SGPP2: variants seen among roughly 807,000 people sequenced by gnomAD.
The protein encoded by SGPP2 is sphingosine 1-phosphate phosphohydrolase 2.
A neutral mutation model predicts 33.9 loss-of-function variants in SGPP2; 30 were observed. The observed-to-expected ratio is 0.89, with a 90% CI of 0.66 to 1.20. SGPP2 has a LOEUF of 1.20. SGPP2 is among the 50% of genes most tolerant of loss of function. SGPP2 has a pLI of 0.00. For missense variants in SGPP2, 458 were observed against 532.1 expected, an observed-to-expected ratio of 0.86 and a Z score of 1.37; for synonymous variants, 233 against 225.0, an observed-to-expected ratio of 1.04 and a Z score of -0.32.
chr2:222,557,629 A>G (rs950288671), intron 4 of SGPP2, among the ~76,000 whole-genome samples: 6 of 152,212 alleles, frequency 3.9e-5, no homozygotes, highest in Non-Finnish European at 8.8e-5. Context: ...GAAAGAGGGA[A>G]ATGTGGGACA....
chr2:222,424,854 G>T, intron 1 of SGPP2, 33 bp downstream of exon 1: 1 of 1,304,768 alleles, frequency 7.7e-7, no homozygotes, highest in Non-Finnish European at 9.7e-7. Context: ...CGGGTACGGG[G>T]AGGGGGCGGC....
At chr2:222,467,915 C>T (rs1427854031) in intron 1 of SGPP2, among the ~76,000 whole-genome samples, 1 of 102,040 alleles carries the variant, frequency 9.8e-6, no homozygotes, top group Non-Finnish European at 1.8e-5. Flanking sequence ...TGGACTTGAC[C>T]TTTGGAAGAA....
intron 2 of SGPP2, among the ~76,000 whole-genome samples, chr2:222,485,875 A>C (rs1406719765): frequency 6.6e-6 from 1 of 152,216 alleles, no homozygotes; most frequent in Non-Finnish European, 1.5e-5. Flanking sequence ...ATCTGTTCAC[A>C]GCTAAAGAGG....
At chr2:222,552,584 G>T (rs1689312890) in intron 4 of SGPP2, among the ~76,000 whole-genome samples, 1 of 152,162 alleles carries the variant, frequency 6.6e-6, no homozygotes, top group Non-Finnish European at 1.5e-5. Flanking sequence ...ACTCAAGCCG[G>T]GTTTAGTGGC....
Position 222,465,589 on chromosome 2 carries a change from A to G in SGPP2, c.220-8979A>G, listed in dbSNP as rs2106087983. On this transcript the variant is annotated intron_variant, in intron 1 of 4. Transcript: ENST00000321276. The surrounding 1 kb of genome is among the most constrained non-coding windows in gnomAD (Gnocchi z 4.1). ...ATGATATTTTCTCACCAAGTTTAAGAAATCAAAAAACAAAAGAATTAAAGC... is the reference window on the plus strand; with the variant it reads ...ATGATATTTTCTCACCAAGTTTAAGGAATCAAAAAACAAAAGAATTAAAGC... 6.6e-6 allele frequency among the ~76,000 whole-genome samples: 1 copy of G among 152,342 alleles called. No individual in the cohort carries two copies. The highest frequency in any genetic ancestry group is 6.5e-5 in the Admixed American group (1 of 15,302).
intron 1 of SGPP2, among the ~76,000 whole-genome samples, chr2:222,452,196 G>A (rs1484535584): frequency 6.6e-6 from 1 of 152,036 alleles, no homozygotes; most frequent in African/African-American, 2.4e-5. Flanking sequence ...TCTCCAGGAA[G>A]ATCCAATAGG....
At position 222,428,785 on chromosome 2, in the gene SGPP2, CTTTTTTTTTTT is replaced by C. The variant is rs58239129; in HGVS notation, c.219+3978_219+3988del. Among the ~76,000 whole-genome samples the C allele has an allele frequency of 7.8e-3, 591 of 75,368 alleles. 11 individuals carry two copies. The highest frequency in any genetic ancestry group is 0.028 in the African/African-American group (554 of 19,766). The allele number at this position is 75,368 out of a possible 152,430, so 49.4% of individuals were successfully genotyped here. A position where few individuals can be genotyped will look rare whatever the true frequency, so the allele number is the denominator to read the frequency against. Reference sequence around the variant, plus strand: ...AGTGGGGGAAAAAAAACATGGTTTTCTTTTTTTTTTTTTTTTTTTTTTTTGAGACAGAGTCT... The same window carrying C: ...AGTGGGGGAAAAAAAACATGGTTTTCTTTTTTTTTTTTTGAGACAGAGTCT... On this transcript the variant is annotated intron_variant, in intron 1 of 4. Coordinates refer to ENST00000321276, the MANE Select transcript of SGPP2 (RefSeq NM_152386.4).
intron 2 of SGPP2, among the ~76,000 whole-genome samples, chr2:222,497,077 A>G (rs1343117984): frequency 6.6e-6 from 1 of 152,166 alleles, no homozygotes; most frequent in Non-Finnish European, 1.5e-5. Context: ...ATCTTAATGG[A>G]ATGGCTCCCC....
chr2:222,447,623 G>T (rs562823312), intron 1 of SGPP2, among the ~76,000 whole-genome samples: 66 of 152,274 alleles, frequency 4.3e-4, no homozygotes, highest in African/African-American at 1.4e-3. Flanking sequence ...ATAACAGATT[G>T]TTCCATTTGA....
intron 2 of SGPP2, among the ~76,000 whole-genome samples, chr2:222,478,653 A>G (rs1317925646): frequency 6.6e-6 from 1 of 152,228 alleles, no homozygotes; most frequent in Admixed American, 6.5e-5. Context: ...AACTTTGTTC[A>G]GGACTGCCAA....
rs1324832683 is a variant in SGPP2, at chr2:222,476,316, G to A, written c.378+1590G>A. ...AATGTCCTGGGCCAGGGTGAGGGGT[G>A]GCAAGGGCGGGGTATCCACACAAAT... On this transcript the variant is annotated intron_variant, in intron 2 of 4. Transcript: ENST00000321276. This position sits in a 1 kb window ranked among gnomAD's most constrained non-coding sequence, Gnocchi z 4.3. Among the ~76,000 whole-genome samples the A allele has an allele frequency of 6.6e-6, 1 of 152,130 alleles. No homozygotes were observed. Among genetic ancestry groups the A allele is most frequent in the East Asian group, 1.9e-4 (1 of 5,198 alleles).
At position 222,478,267 on chromosome 2, in the gene SGPP2, T is replaced by TTGTGTGTGTGTG. The variant is rs113118208; in HGVS notation, c.378+3559_378+3570dup. Among the ~76,000 whole-genome samples the TTGTGTGTGTGTG allele has an allele frequency of 9.6e-3, 1,353 of 141,536 alleles. 15 individuals carry two copies. Among genetic ancestry groups the TTGTGTGTGTGTG allele is most frequent in the African/African-American group, 0.033 (1,246 of 37,292 alleles). 92.9% of individuals were successfully genotyped at this position (141,536 alleles called of 152,430 possible). On this transcript the variant is annotated intron_variant, in intron 2 of 4. Coordinates refer to ENST00000321276, the MANE Select transcript of SGPP2 (RefSeq NM_152386.4). The stretch of plus-strand genomic sequence containing the variant: ...TGCATCTTCGTGTATGTGCATGCAT[T>TTGTGTGTGTGTG]TGTGTGTGTGTGTGTGTGTGTGTGT...
rs138760233 is a variant in SGPP2, at chr2:222,536,050, G to A, written c.648+11017G>A. On this transcript the variant is annotated intron_variant, in intron 4 of 4. Transcript: ENST00000321276. ...ACTGCGTGTTGTATTTGTGTTTCTAGGTGAGTTCCAGTTTCGATTTAAGAC... is the reference window on the plus strand; with the variant it reads ...ACTGCGTGTTGTATTTGTGTTTCTAAGTGAGTTCCAGTTTCGATTTAAGAC... 2.9e-3 allele frequency among the ~76,000 whole-genome samples: 447 copies of A among 152,318 alleles called. 1 individual carries two copies. Among genetic ancestry groups the A allele is most frequent in the South Asian group, 5.4e-3 (26 of 4,824 alleles).
intron 2 of SGPP2, among the ~76,000 whole-genome samples, chr2:222,494,758 G>A (rs563849581): frequency 1.3e-5 from 2 of 152,326 alleles, no homozygotes; most frequent in East Asian, 1.9e-4. Flanking sequence ...GGGCCAATGA[G>A]AGCAGGATTT....
intron 4 of SGPP2, among the ~76,000 whole-genome samples, chr2:222,551,500 CTTTATT>C (rs1689293471): frequency 6.6e-6 from 1 of 151,942 alleles, no homozygotes; most frequent in South Asian, 2.1e-4. Context: ...TATTTACTGT[CTTTATT>C]TTTAGAAACT....
rs1171710105 is a variant in SGPP2 at position 222,477,515 on chromosome 2, ATGTC to A, written c.378+2793_378+2796del. Among the ~76,000 whole-genome samples the A allele has an allele frequency of 6.6e-5, 10 of 151,794 alleles. No individual in the cohort carries two copies. The highest frequency in any genetic ancestry group is 2.0e-4 in the Admixed American group (3 of 15,246). On this transcript the variant is annotated intron_variant, in intron 2 of 4. Transcript: ENST00000321276. The surrounding 1 kb of genome is among the most constrained non-coding windows in gnomAD (Gnocchi z 6.0). The stretch of plus-strand genomic sequence containing the variant: ...TGTATATATGTTTATGTGTATATAT[ATGTC>A]TGTGTATATATGTGTATTTGTGTTT...
intron 4 of SGPP2, among the ~76,000 whole-genome samples, chr2:222,553,432 T>G (rs1689331531): frequency 2.6e-5 from 4 of 152,228 alleles, no homozygotes; most frequent in Admixed American, 2.0e-4. Context: ...GATAGGTTAA[T>G]GAAACCCATG....
At chr2:222,430,742 T>C (rs1477008421) in intron 1 of SGPP2, among the ~76,000 whole-genome samples, 1 of 152,244 alleles carries the variant, frequency 6.6e-6, no homozygotes, top group Non-Finnish European at 1.5e-5. Context: ...CTTGGCCAGA[T>C]GATCAAGGTC....
intron 4 of SGPP2, among the ~76,000 whole-genome samples, chr2:222,555,567 T>G (rs1368829863): frequency 1.3e-5 from 2 of 151,028 alleles, no homozygotes; most frequent in African/African-American, 2.4e-5. Flanking sequence ...CAGGCCTCAA[T>G]TTTGAGAGAG....
Sources: allele counts gnomAD v4.1 joint callset (sites outside exome capture counted in the v4.1 genomes callset), GRCh38; gene constraint gnomAD v4.1.1; non-coding constraint Gnocchi (gnomAD v3.1); transcripts MANE v1.5; gene names NCBI Gene and HGNC (gene_info 2026-07-23, HGNC 2026-07-21).